The following RORA variants were observed in gnomAD, a reference collection of about 807,000 sequenced individuals.
The protein encoded by RORA is nuclear receptor ROR-alpha.
A neutral mutation model predicts 69.5 loss-of-function variants in RORA; 7 were observed. The ratio of observed to expected loss-of-function variants is 0.10; its 90% CI spans 0.06 to 0.19. The LOEUF is 0.19. Among genes scored for constraint, RORA ranks in the 10% least tolerant of loss-of-function variants. The pLI is 1.00. For missense variants in RORA, 457 were observed against 663.0 expected, an observed-to-expected ratio of 0.69 and a Z score of 3.41; for synonymous variants, 261 against 240.8, an observed-to-expected ratio of 1.08 and a Z score of -0.78.
intron 1 of RORA, among the ~76,000 whole-genome samples, chr15:61,099,739 C>T (rs182640781): frequency 2.1e-4 from 32 of 152,292 alleles, no homozygotes; most frequent in African/African-American, 5.8e-4. Context: ...CTTGAGGAAA[C>T]GCTCTTTTTA....
chr15:61,187,736 G>A (rs1383443983), intron 1 of RORA, among the ~76,000 whole-genome samples: 1 of 152,162 alleles, frequency 6.6e-6, no homozygotes, highest in Non-Finnish European at 1.5e-5. Context: ...GCATAAAAGG[G>A]AAAGAAAAAG....
At chr15:60,900,172 A>G (rs1160699130) in intron 1 of RORA, among the ~76,000 whole-genome samples, 1 of 152,238 alleles carries the variant, frequency 6.6e-6, no homozygotes, top group African/African-American at 2.4e-5. Flanking sequence ...AAAGTCCAAG[A>G]TGGGAAAGGT....
At position 60,511,183 on chromosome 15, in the gene RORA, G is replaced by T; in HGVS notation, c.820+43C>A. 1 of 1,563,594 alleles carries T rather than the reference G, an allele frequency of 6.4e-7. No individual in the cohort carries two copies. The highest frequency in any genetic ancestry group is 1.2e-5 in the South Asian group (1 of 82,148). On this transcript the variant is annotated intron_variant, in intron 5 of 10. Coordinates refer to ENST00000335670, the MANE Select transcript of RORA (RefSeq NM_134261.3). This position sits in a 1 kb window ranked among gnomAD's most constrained non-coding sequence, Gnocchi z 6.4. ...TCAGACATACCCCTTTTACTTCAAA[G>T]GGCATGAATAGAGCATCCCAGGAGA...
chr15:61,048,796 C>T lies in RORA; in HGVS notation c.166+180257G>A, dbSNP rs189943213. On this transcript the variant is annotated intron_variant, in intron 1 of 10. Transcript: ENST00000335670. ...GAGTGAGGTCTGGGCTGCTTCTTTA[C>T]GGCTCTTCAAGTGCCGGCCATTTCC... Among the ~76,000 whole-genome samples, 15 of 152,250 alleles carry T rather than the reference C, an allele frequency of 9.9e-5. No individual in the cohort carries two copies. The East Asian group carries it at 2.3e-3, about 24-fold the overall frequency.
chr15:60,592,629 GGGCGGGAGGCGGGA>G (rs371824358), intron 2 of RORA: 281 of 1,130,964 alleles, frequency 2.5e-4, no homozygotes, highest in Middle Eastern at 3.6e-4. Flanking sequence ...CTTCCTCCCG[GGGCGGGAGGCGGGA>G]GGCGGGAGGC....
At chr15:60,789,560 T>A in intron 1 of RORA, among the ~76,000 whole-genome samples, 1 of 152,270 alleles carries the variant, frequency 6.6e-6, no homozygotes, top group Non-Finnish European at 1.5e-5. Context: ...TCTATATGTA[T>A]GTTTCTTTAT....
chr15:60,825,205 T>C (rs1171372083), intron 1 of RORA, among the ~76,000 whole-genome samples: 1 of 152,182 alleles, frequency 6.6e-6, no homozygotes. Flanking sequence ...GAAAGTGTAG[T>C]GGAGATGGCT....
At chr15:60,515,927 TTATATATATATTTA>T (rs1567050672) in intron 3 of RORA, among the ~76,000 whole-genome samples, 2 of 47,828 alleles carry the variant, frequency 4.2e-5, no homozygotes, top group African/African-American at 1.3e-4. Context: ...ATATATATAT[TTATATATATATTTA>T]TATATATTTA....
intron 1 of RORA, among the ~76,000 whole-genome samples, chr15:60,714,457 T>C (rs8029242): frequency 1 from 151,743 of 152,058 alleles, 75,714 homozygotes; most frequent in Middle Eastern, 1. Context: ...CTCAACCTCC[T>C]GGGCTCAAGC....
chr15:61,119,023 T>C (rs1027651874), intron 1 of RORA, among the ~76,000 whole-genome samples: 1 of 143,376 alleles, frequency 7.0e-6, no homozygotes, highest in Admixed American at 7.5e-5. Context: ...TTTTGGAAGA[T>C]GAACATGAGA....
At chr15:60,629,187 CTT>C (rs34687322) in intron 2 of RORA, among the ~76,000 whole-genome samples, 15 of 112,012 alleles carry the variant, frequency 1.3e-4, no homozygotes, top group Non-Finnish European at 1.5e-4. Context: ...ACTGTTTATT[CTT>C]TTTTTTTTTT....
intron 1 of RORA, among the ~76,000 whole-genome samples, chr15:60,737,821 G>A (rs1272525038): frequency 2.0e-5 from 3 of 152,140 alleles, no homozygotes; most frequent in Admixed American, 6.5e-5. Context: ...ATTTGACTTC[G>A]AAGAACTACA....
intron 2 of RORA, among the ~76,000 whole-genome samples, chr15:60,648,018 C>A (rs1326384025): frequency 1.3e-5 from 2 of 152,188 alleles, no homozygotes; most frequent in South Asian, 2.1e-4. Context: ...ATGGAGAACA[C>A]AGGCCAAAGG....
chr15:61,194,455 C>A (rs1434969367), intron 1 of RORA, among the ~76,000 whole-genome samples: 4 of 149,740 alleles, frequency 2.7e-5, no homozygotes, highest in Non-Finnish European at 5.9e-5. Context: ...CCCAGCTACT[C>A]GGGAGGCTGA....
chr15:60,766,593 T>C (rs1388438936), intron 1 of RORA, among the ~76,000 whole-genome samples: 1 of 152,034 alleles, frequency 6.6e-6, no homozygotes, highest in Non-Finnish European at 1.5e-5. Context: ...CATTAATCCC[T>C]GCCTCTGTGA....
intron 1 of RORA, among the ~76,000 whole-genome samples, chr15:60,707,488 C>A (rs891623823): frequency 6.6e-6 from 1 of 151,876 alleles, no homozygotes; most frequent in Non-Finnish European, 1.5e-5. Flanking sequence ...CTCAGCCTCC[C>A]GAGTAGCTGG....
chr15:61,217,673 C>T (rs1421594493), intron 1 of RORA, among the ~76,000 whole-genome samples: 1 of 152,034 alleles, frequency 6.6e-6, no homozygotes. Context: ...TATCCCCAGG[C>T]CCTAGCACAT....
chr15:60,960,720 C>A (rs112242285), intron 1 of RORA, among the ~76,000 whole-genome samples: 1 of 151,524 alleles, frequency 6.6e-6, no homozygotes, highest in Non-Finnish European at 1.5e-5. Context: ...ATGACTTCTA[C>A]GGGCCTCCAA....
At position 60,789,983 on chromosome 15, in the gene RORA, G is replaced by A. The variant is rs374613022; in HGVS notation, c.167-111297C>T. Among the ~76,000 whole-genome samples, 12 of 152,218 alleles carry A rather than the reference G, an allele frequency of 7.9e-5. No homozygotes were observed. The East Asian group carries it at 2.1e-3, about 27-fold the overall frequency. On this transcript the variant is annotated intron_variant, in intron 1 of 10. Coordinates refer to ENST00000335670, the MANE Select transcript of RORA (RefSeq NM_134261.3). ...CTAAGCAGCACAGCAGCCTATAGATGATACAACCGATAAGTGTTGAAGCCA... is the reference window on the plus strand; with the variant it reads ...CTAAGCAGCACAGCAGCCTATAGATAATACAACCGATAAGTGTTGAAGCCA...
Sources: allele counts gnomAD v4.1 joint callset (sites outside exome capture counted in the v4.1 genomes callset), GRCh38; gene constraint gnomAD v4.1.1; non-coding constraint Gnocchi (gnomAD v3.1); transcripts MANE v1.5; gene names NCBI Gene and HGNC (gene_info 2026-07-23, HGNC 2026-07-21).